TTN: variants seen among roughly 807,000 people sequenced by gnomAD.
TTN encodes connectin.
In TTN, 1,525 loss-of-function variants were observed where a neutral mutation model predicts 3,223.0. The observed-to-expected ratio is 0.47, with a 90% CI of 0.45 to 0.49. TTN has a LOEUF of 0.49. Ranked by LOEUF, TTN falls within the 20% of genes least tolerant of loss-of-function variation. The probability of loss-of-function intolerance (pLI) is 0.00; values close to 1 mark genes in which losing one functional copy is unlikely to be tolerated. For missense variants in TTN, 40,786 were observed against 43,424.0 expected (o/e 0.94, Z 5.40); for synonymous variants, 14,094 against 15,161.0 (o/e 0.93, Z 5.17).
chr2:178,794,556 A>G lies in TTN; in HGVS notation c.1246-5T>C, dbSNP rs727503707. On this transcript the variant is annotated splice_polypyrimidine_tract_variant and splice_region_variant and intron_variant, in intron 7 of 362. Coordinates refer to ENST00000589042, the MANE Select transcript of TTN (RefSeq NM_001267550.2). ...TTTGTCAGCATCTTGTTTCACCTAG[A>G]TTAGAAATGACCAAGTAGATTACTT... 1.2e-6 allele frequency: 2 copies of G among 1,614,222 alleles called. No homozygotes were observed. The highest frequency in any genetic ancestry group is 1.3e-5 in the African/African-American group (1 of 75,076).
At position 178,650,355 on chromosome 2, in the gene TTN, C is replaced by A. The variant is rs2062735463; in HGVS notation, c.39710-84G>T. ...AACACTAAACACGATAAATAGTAAT[C>A]TTGATTTCTTCCTTTGTTTCAATTG... On this transcript the variant is annotated intron_variant, in intron 209 of 362. Coordinates refer to ENST00000589042, the MANE Select transcript of TTN (RefSeq NM_001267550.2). 8.0e-6 allele frequency: 10 copies of A among 1,250,426 alleles called. No individual in the cohort carries two copies. The South Asian group carries it at 1.2e-4, about 15-fold the overall frequency. The allele number at this position is 1,250,426 out of a possible 1,614,324, so 77.5% of individuals were successfully genotyped here.
In TTN at chr2:178,621,293, G is replaced by A; in HGVS notation, c.45425C>T (p.Ser15142Phe). 1 of 1,612,030 alleles carries A rather than the reference G, an allele frequency of 6.2e-7. No homozygotes were observed. Among genetic ancestry groups the A allele is most frequent in the African/African-American group, 1.3e-5 (1 of 74,888 alleles). ...GACTGGAAAGCTTTCTTTTGATATA[G>A]AGCAGACAAATTCAGCCTTTTCTCC... ...LEGEKAEFVCSISKESFPVQW... is the reference protein window; with the variant it reads ...LEGEKAEFVCFISKESFPVQW... The change falls in exon 246 of 363, where the codon TCT (serine) becomes TTT (phenylalanine). Residue 15142 changes from serine to phenylalanine, a missense_variant. Ser to Phe is a radical substitution (Grantham distance 155, BLOSUM62 -2). Transcript: ENST00000589042.
intron 47 of TTN, chr2:178,747,673 T>C: frequency 6.2e-7 from 1 of 1,613,132 alleles, no homozygotes; most frequent in Non-Finnish European, 8.5e-7. Context: ...CAGCAGCAAG[T>C]AAATATTGTG....
At chr2:178,701,345 T>G in intron 110 of TTN, 142 bp from the exon 111 acceptor site, 1 of 1,020,186 alleles carries the variant, frequency 9.8e-7, no homozygotes, top group East Asian at 2.5e-5. Context: ...AAAGTAGCAT[T>G]TATTTATAAC....
At position 178,711,313 on chromosome 2, in the gene TTN, C is replaced by T; in HGVS notation, c.27923G>A (p.Arg9308Lys). 1 of 1,610,230 alleles carries T rather than the reference C, an allele frequency of 6.2e-7. No individual in the cohort carries two copies. Among genetic ancestry groups the T allele is most frequent in the Non-Finnish European group, 8.5e-7 (1 of 1,177,506 alleles). ...CAGTCCAACTGTTTCTTGAACATCT[C>T]TCAATTGTCGAGAAAATGATGGTGG... ...KLPPSFSRQL[R>K]DVQETVGLPV... The change falls in exon 97 of 363, where the codon AGA becomes AAA. Residue 9308 changes from arginine (R) to lysine (K), a missense_variant. Transcript: ENST00000589042.
chr2:178,568,424 A>C lies in TTN; in HGVS notation c.77708T>G (p.Val25903Gly). Residue 25903 changes from valine to glycine, a missense_variant, in exon 326 of 363, where the codon GTC becomes GGC. Transcript: ENST00000589042. The part of the protein sequence containing the change: ...PPKGPVKFDD[V>G]SAESITLSWN... Reference sequence around the variant, plus strand: ...AGATAATGTAATACTTTCAGCACTGACGTCATCAAATTTAACAGGTCCTTT... The same window carrying C: ...AGATAATGTAATACTTTCAGCACTGCCGTCATCAAATTTAACAGGTCCTTT... 1 of 1,613,180 alleles carries C rather than the reference A, an allele frequency of 6.2e-7. No individual in the cohort carries two copies. The highest frequency in any genetic ancestry group is 8.5e-7 in the Non-Finnish European group (1 of 1,179,548).
Position 178,639,733 on chromosome 2 carries a change from G to A in TTN, c.40842C>T (p.Ala13614=), listed in dbSNP as rs761707451. The part of the protein sequence containing the change: ...PVEPEPTPIA[A]PVTVPVVGKK... ...TTCCAACCACTGGCACTGTTACTGGGGCAGCGATGGGGGTTGGTTCAGGTT... is the reference window on the plus strand; with the variant it reads ...TTCCAACCACTGGCACTGTTACTGGAGCAGCGATGGGGGTTGGTTCAGGTT... Residue 13614 remains alanine (A), a synonymous_variant, in exon 223 of 363, where the codon GCC becomes GCT. Coordinates refer to ENST00000589042, the MANE Select transcript of TTN (RefSeq NM_001267550.2). The A allele has an allele frequency of 6.2e-7, 1 of 1,611,404 alleles. No homozygotes were observed. The highest frequency in any genetic ancestry group is 8.5e-7 in the Non-Finnish European group (1 of 1,178,590).
intron 6 of TTN, among the ~76,000 whole-genome samples, chr2:178,796,391 G>C (rs1227352450): frequency 6.6e-6 from 1 of 152,046 alleles, no homozygotes; most frequent in East Asian, 1.9e-4. Context: ...TTCTAATTAA[G>C]CTCAAGGTAC....
In TTN at chr2:178,616,833, T is replaced by G; in HGVS notation, c.48056A>C (p.Glu16019Ala). Residue 16019 changes from glutamate (E) to alanine (A), a missense_variant, in exon 256 of 363, where the codon GAA (glutamate) becomes GCA (alanine). Physicochemically the swap from Glu to Ala is moderately radical, Grantham distance 107 (BLOSUM62 -1). Coordinates refer to ENST00000589042, the MANE Select transcript of TTN (RefSeq NM_001267550.2). ...VKMKTLSAYA[E>A]LVISPSERSD... ...ACGTTCACTTGGAGAAATGACAAGT[T>G]CGGCATAGGCAGACAAGGTCTTCAT... 1.2e-6 allele frequency: 2 copies of G among 1,612,732 alleles called. No individual in the cohort carries two copies. The highest frequency in any genetic ancestry group is 1.7e-6 in the Non-Finnish European group (2 of 1,179,184).
chr2:178,746,146 C>T (rs1560965947), intron 47 of TTN: 1 of 1,613,388 alleles, frequency 6.2e-7, no homozygotes, highest in Non-Finnish European at 8.5e-7. Context: ...GCTCAATACA[C>T]ATATATTCTT....
rs767861982 is a variant in TTN, at chr2:178,642,309, C to T, written c.40486G>A (p.Gly13496Ser). The T allele has an allele frequency of 6.3e-7, 1 of 1,586,504 alleles. No individual in the cohort carries two copies. The highest frequency in any genetic ancestry group is 1.3e-5 in the African/African-American group (1 of 74,208). ...VELTPLKVPG[G>S]EKKVRKLLPE... ...AGTAATTTGCGAACTTTCTTTTCACCTCCAGGCACTTAAAAGAATATGATT... is the reference window on the plus strand; with the variant it reads ...AGTAATTTGCGAACTTTCTTTTCACTTCCAGGCACTTAAAAGAATATGATT... Residue 13496 changes from glycine (G) to serine (S), a missense_variant, in exon 219 of 363, where the codon GGT (glycine) becomes AGT (serine). Transcript: ENST00000589042.
In TTN at chr2:178,729,510, C is replaced by T. The variant is rs369242073; in HGVS notation, c.18646G>A (p.Val6216Met). The T allele has an allele frequency of 1.5e-5, 25 of 1,613,402 alleles. No homozygotes were observed. The highest frequency in any genetic ancestry group is 6.7e-5 in the African/African-American group (5 of 74,886). Residue 6216 changes from valine (V) to methionine (M), a missense_variant, in exon 64 of 363, where the codon GTG becomes ATG. Physicochemically the swap from Val to Met is conservative, Grantham distance 21. Coordinates refer to ENST00000589042, the MANE Select transcript of TTN (RefSeq NM_001267550.2). Reference sequence around the variant, plus strand: ...CCCGTAACTTCACACTCCAGCTCCACGTCACTATATTTTACTACCTCCACA... The same window carrying T: ...CCCGTAACTTCACACTCCAGCTCCATGTCACTATATTTTACTACCTCCACA... ...KPVEVVKYSD[V>M]ELECEVTGTP...
intron 41 of TTN, among the ~76,000 whole-genome samples, chr2:178,765,213 A>C (rs2090152451): frequency 6.6e-6 from 1 of 152,124 alleles, no homozygotes; most frequent in African/African-American, 2.4e-5. Flanking sequence ...ATATCATTCC[A>C]GTTTGTTTGT....
In TTN at chr2:178,601,078, G is replaced by T; in HGVS notation, c.55826C>A (p.Ser18609Tyr). 2 of 1,609,932 alleles carry T rather than the reference G, an allele frequency of 1.2e-6. No individual in the cohort carries two copies. Among genetic ancestry groups the T allele is most frequent in the East Asian group, 2.2e-5 (1 of 44,660 alleles). Residue 18609 changes from serine (S) to tyrosine (Y), a missense_variant, in exon 288 of 363, where the codon TCC becomes TAC. Coordinates refer to ENST00000589042, the MANE Select transcript of TTN (RefSeq NM_001267550.2). ...CTCAACAATATAGTGGGTAACAGGG[G>T]AGCCCCCATCATTCTTCGGGGGTTT... ...SWKPPKNDGG[S>Y]PVTHYIVECL...
rs2061476392 is a variant in TTN, at chr2:178,643,272, G to T, written c.40478-955C>A. 2.0e-5 allele frequency among the ~76,000 whole-genome samples: 3 copies of T among 151,854 alleles called. 1 individual carries two copies. The highest frequency in any genetic ancestry group is 6.6e-5 in the Admixed American group (1 of 15,192). ...CAAGATATTTGCAATTCATTAAATG[G>T]TTTTTTATGTGATAAAGATAACTGC... On this transcript the variant is annotated intron_variant, in intron 218 of 362. Coordinates refer to ENST00000589042, the MANE Select transcript of TTN (RefSeq NM_001267550.2).
Position 178,601,649 on chromosome 2 carries a change from CT to C in TTN, c.55432+8del. On this transcript the variant is annotated splice_region_variant and intron_variant, in intron 286 of 362. Coordinates refer to ENST00000589042, the MANE Select transcript of TTN (RefSeq NM_001267550.2). ...TTTATTCTGTAGCAACTTTCAAAGT[CT>C]TTCTTACCCATGACTTTAACTCTGC... is the stretch of plus-strand genomic sequence containing the variant. The C allele has an allele frequency of 6.3e-7, 1 of 1,586,690 alleles. No individual in the cohort carries two copies. Among genetic ancestry groups the C allele is most frequent in the Non-Finnish European group, 8.5e-7 (1 of 1,171,272 alleles).
In TTN at chr2:178,601,066, T is replaced by G; in HGVS notation, c.55838A>C (p.His18613Pro). Reference sequence around the variant, plus strand: ...CCATGCAAGGCACTCAACAATATAGTGGGTAACAGGGGAGCCCCCATCATT... The same window carrying G: ...CCATGCAAGGCACTCAACAATATAGGGGGTAACAGGGGAGCCCCCATCATT... ...PKNDGGSPVT[H>P]YIVECLAWDP... Residue 18613 changes from histidine (H) to proline (P), a missense_variant, in exon 288 of 363, where the codon CAC becomes CCC. By Grantham distance (77) the His-to-Pro change is moderately conservative (BLOSUM62 -2). Coordinates refer to ENST00000589042, the MANE Select transcript of TTN (RefSeq NM_001267550.2). 1 of 1,611,930 alleles carries G rather than the reference T, an allele frequency of 6.2e-7. No individual in the cohort carries two copies. The highest frequency in any genetic ancestry group is 8.5e-7 in the Non-Finnish European group (1 of 1,178,836).
At position 178,548,959 on chromosome 2, in the gene TTN, A is replaced by G. The variant is rs1049769742; in HGVS notation, c.92667T>C (p.Gly30889=). The G allele has an allele frequency of 6.2e-7, 1 of 1,613,866 alleles. No homozygotes were observed. Residue 30889 remains glycine (G), a synonymous_variant, in exon 339 of 363, where the codon GGT becomes GGC. Coordinates refer to ENST00000589042, the MANE Select transcript of TTN (RefSeq NM_001267550.2). This position sits in a 1 kb window ranked among gnomAD's most constrained non-coding sequence, Gnocchi z 4.3. ...TRYTVTDLQA[G]EEYKFRVSAI... ...CACTAACTCGGAATTTGTATTCTTC[A>G]CCTGCTTGTAGATCAGTGACTGTAT...
At chr2:178,770,894 G>A (rs1483491870) in intron 34 of TTN, 2 of 813,382 alleles carry the variant, frequency 2.5e-6, no homozygotes, top group Non-Finnish European at 4.3e-6. Context: ...CTATGCTTTA[G>A]TAGTATGAAG....
Sources: allele counts gnomAD v4.1 joint callset (sites outside exome capture counted in the v4.1 genomes callset), GRCh38; gene constraint gnomAD v4.1.1; non-coding constraint Gnocchi (gnomAD v3.1); transcripts MANE v1.5; gene names NCBI Gene and HGNC (gene_info 2026-07-23, HGNC 2026-07-21).